Variants in NPNT observed in about 807,000 individuals in gnomAD.
NPNT encodes preosteoblast EGF-like repeat protein with MAM domain.
NPNT carries 45 observed loss-of-function variants against 68.6 expected under a neutral mutation model. The ratio of observed to expected loss-of-function variants is 0.66; its 90% CI spans 0.52 to 0.84. The LOEUF is 0.84. Ranked by LOEUF, NPNT falls within the 40% of genes least tolerant of loss-of-function variation. NPNT has a pLI of 0.00. For missense variants in NPNT, 672 were observed against 714.8 expected (o/e 0.94, Z 0.68); for synonymous variants, 233 against 253.3 (o/e 0.92, Z 0.76).
chr4:105,929,055 A>G (rs6826402), intron 3 of NPNT, among the ~76,000 whole-genome samples: 1 of 151,996 alleles, frequency 6.6e-6, no homozygotes, highest in African/African-American at 2.4e-5. Context: ...CACCTATCAA[A>G]CCATCATCTA....
chr4:105,951,876 A>G (rs759689386), intron 8 of NPNT, among the ~76,000 whole-genome samples: 4 of 152,318 alleles, frequency 2.6e-5, no homozygotes, highest in South Asian at 2.1e-4. Context: ...GTTATAATTT[A>G]CAAGTATTGT....
chr4:105,953,672 T>G (rs1258623264), intron 8 of NPNT, among the ~76,000 whole-genome samples: 1 of 152,244 alleles, frequency 6.6e-6, no homozygotes, highest in Non-Finnish European at 1.5e-5. Flanking sequence ...CGCTCCAATC[T>G]GTGTCTCTAA....
chr4:105,907,570 G>A (rs879503621), intron 2 of NPNT, among the ~76,000 whole-genome samples: 3 of 151,974 alleles, frequency 2.0e-5, no homozygotes, highest in Non-Finnish European at 2.9e-5. Context: ...CTCAAAGATA[G>A]TAAAATGTAG....
chr4:105,949,361 A>G (rs1578664219), intron 8 of NPNT, among the ~76,000 whole-genome samples: 1 of 152,300 alleles, frequency 6.6e-6, no homozygotes, highest in South Asian at 2.1e-4. Context: ...GGAAGTATGG[A>G]GACCATACTC....
At chr4:105,908,980 C>G (rs1390881447) in intron 2 of NPNT, among the ~76,000 whole-genome samples, 2 of 152,200 alleles carry the variant, frequency 1.3e-5, no homozygotes, top group Non-Finnish European at 2.9e-5. Context: ...ACTTTCCAGA[C>G]ATAAACTTCC....
intron 10 of NPNT, among the ~76,000 whole-genome samples, chr4:105,966,660 AC>A (rs1047532814): frequency 1.2e-4 from 18 of 151,168 alleles, no homozygotes; most frequent in African/African-American, 3.9e-4. Context: ...AAGAACCTTT[AC>A]GTTTAGAGAT....
chr4:105,929,930 A>G (rs937273420), intron 3 of NPNT, among the ~76,000 whole-genome samples: 1 of 152,196 alleles, frequency 6.6e-6, no homozygotes, highest in Non-Finnish European at 1.5e-5. Flanking sequence ...TTCTCTAAAG[A>G]AAAAATCGAA....
chr4:105,951,275 T>C (rs143566169), intron 8 of NPNT, among the ~76,000 whole-genome samples: 1 of 152,326 alleles, frequency 6.6e-6, no homozygotes, highest in East Asian at 1.9e-4. Context: ...CAGGTGCTCT[T>C]ATGAGTGGCC....
At chr4:105,951,174 CCT>C (rs1050599774) in intron 8 of NPNT, among the ~76,000 whole-genome samples, 1 of 152,014 alleles carries the variant, frequency 6.6e-6, no homozygotes, top group African/African-American at 2.4e-5. Context: ...AGCAATTGTG[CCT>C]AGGCATGTGT....
At chr4:105,964,520 T>A (rs1247879118) in intron 10 of NPNT, among the ~76,000 whole-genome samples, 2 of 152,212 alleles carry the variant, frequency 1.3e-5, no homozygotes, top group African/African-American at 4.8e-5. Flanking sequence ...TCCTACAATA[T>A]TTGAAAACCA....
At chr4:105,904,393 C>T (rs1016319705) in intron 2 of NPNT, among the ~76,000 whole-genome samples, 1 of 152,186 alleles carries the variant, frequency 6.6e-6, no homozygotes. Flanking sequence ...CCAAAGGCTC[C>T]AACAATCCCA....
At position 105,912,218 on chromosome 4, in the gene NPNT, G is replaced by C. The variant is rs186448153; in HGVS notation, c.172+14217G>C. ...TACGTCTTAAGGCAGAGAATAGCCA[G>C]GATAAGGTGCCAGCTCAAAGGTTAG... On this transcript the variant is annotated intron_variant, in intron 2 of 11. Transcript: ENST00000379987. The C allele has an allele frequency of 3.9e-6, 6 of 1,534,288 alleles. No individual in the cohort carries two copies. In the East Asian group the frequency reaches 1.5e-4, roughly 38 times the overall value.
intron 8 of NPNT, among the ~76,000 whole-genome samples, chr4:105,943,418 A>G (rs1020650718): frequency 6.6e-6 from 1 of 152,210 alleles, no homozygotes; most frequent in Non-Finnish European, 1.5e-5. Context: ...TGTCAGGGAC[A>G]GATGAGAGAA....
intron 3 of NPNT, among the ~76,000 whole-genome samples, chr4:105,934,523 GAC>G (rs993730568): frequency 5.3e-5 from 8 of 152,300 alleles, no homozygotes; most frequent in Non-Finnish European, 1.2e-4. Flanking sequence ...GTTTTTAGGA[GAC>G]ACCTGCCTGT....
At chr4:105,937,247 T>C in intron 4 of NPNT, 119 bp downstream of exon 4, 1 of 921,940 alleles carries the variant, frequency 1.1e-6, no homozygotes, top group Non-Finnish European at 1.6e-6. Context: ...TGTGCGTGTG[T>C]TTATACTTTT....
chr4:105,967,282 C>T lies in NPNT; in HGVS notation c.1440C>T (p.Asp480=), dbSNP rs927165024. 1 of 1,613,986 alleles carries T rather than the reference C, an allele frequency of 6.2e-7. No homozygotes were observed. Among genetic ancestry groups the T allele is most frequent in the Non-Finnish European group, 8.5e-7 (1 of 1,179,984 alleles). ...LPLGRLMHSG[D]LCLSFRHKVT... Reference sequence around the variant, plus strand: ...TCGGCCGCCTCATGCATTCAGGGGACCTGTGCCTGTCATTCAGGCACAAGG... The same window carrying T: ...TCGGCCGCCTCATGCATTCAGGGGATCTGTGCCTGTCATTCAGGCACAAGG... Residue 480 remains aspartate, a synonymous_variant, in exon 11 of 12, where the codon GAC becomes GAT. Coordinates refer to ENST00000379987, the MANE Select transcript of NPNT (RefSeq NM_001033047.3).
chr4:105,932,349 T>A (rs564845053), intron 3 of NPNT, among the ~76,000 whole-genome samples: 17 of 152,302 alleles, frequency 1.1e-4, no homozygotes, highest in African/African-American at 2.6e-4. Context: ...TGGAATTTTT[T>A]AAAAAATTGT....
rs943402232 is a variant in NPNT at position 105,897,752 on chromosome 4, G to A, written c.72-149G>A. 12 of 641,364 alleles carry A rather than the reference G, an allele frequency of 1.9e-5. No individual in the cohort carries two copies. The South Asian group carries it at 2.3e-4, about 12-fold the overall frequency. The allele number at this position is 641,364 out of a possible 1,614,324, so 39.7% of individuals were successfully genotyped here. A position where few individuals can be genotyped will look rare whatever the true frequency, so the allele number is the denominator to read the frequency against. ...TCATAGCAGAACTATTTCTGTGAAG[G>A]TGTTTTAACCTTAAATTTCTGCAGG... On this transcript the variant is annotated intron_variant, in intron 1 of 11. Transcript: ENST00000379987.
Position 105,942,926 on chromosome 4 carries a change from T to C in NPNT, c.1159+224T>C, listed in dbSNP as rs535025160. Among the ~76,000 whole-genome samples the C allele has an allele frequency of 6.6e-5, 10 of 152,344 alleles. No homozygotes were observed. In the East Asian group the frequency reaches 1.7e-3, roughly 26 times the overall value. ...TGGAAGGAATATTCACAAAGTCATA[T>C]GGTAGATGACAGCTCTTAGCCAGTA... On this transcript the variant is annotated intron_variant, in intron 8 of 11. Transcript: ENST00000379987.
Sources: gnomAD v4.1 joint callset for allele counts (sites outside exome capture counted in the v4.1 genomes callset) on GRCh38, gnomAD v4.1.1 for gene constraint, MANE v1.5 for transcripts, NCBI Gene and HGNC (gene_info 2026-07-23, HGNC 2026-07-21) for gene names.